MUC5B: variants seen among roughly 807,000 people sequenced by gnomAD.
The protein encoded by MUC5B is mucin-5B.
In MUC5B, 116 loss-of-function variants were observed where a neutral mutation model predicts 376.9. The observed-to-expected ratio is 0.31, with a 90% CI of 0.26 to 0.36. MUC5B has a LOEUF of 0.36. Among genes scored for constraint, MUC5B ranks in the 10% least tolerant of loss-of-function variants. The pLI is 1.00. For missense variants in MUC5B, 7,165 were observed against 7,769.9 expected (o/e 0.92, Z 2.93); for synonymous variants, 3,517 against 3,390.9 (o/e 1.04, Z -1.29).
At position 1,242,570 on chromosome 11, in the gene MUC5B, C is replaced by T. The variant is rs1862316078; in HGVS notation, c.5690C>T (p.Pro1897Leu). The change falls in exon 31 of 49, where the codon CCC becomes CTC. Residue 1897 changes from proline to leucine, a missense_variant. Pro to Leu is a moderately conservative substitution (Grantham distance 98). Around this residue, in one of 31 missense-constraint regions of MUC5B, gnomAD observed 897 missense variants for 779.6 expected, o/e 1.15. Coordinates refer to ENST00000529681, the MANE Select transcript of MUC5B (RefSeq NM_002458.3). ...STPATSSTAT[P>L]SSTPGTTWIL... Reference sequence around the variant, plus strand: ...CCAGCCACCAGCTCCACGGCCACGCCCTCCTCAACTCCGGGGACGACCTGG... The same window carrying T: ...CCAGCCACCAGCTCCACGGCCACGCTCTCCTCAACTCCGGGGACGACCTGG... 1.2e-6 allele frequency: 2 copies of T among 1,613,632 alleles called. No homozygotes were observed. The highest frequency in any genetic ancestry group is 1.7e-6 in the Non-Finnish European group (2 of 1,179,802).
chr11:1,241,576 G>T lies in MUC5B; in HGVS notation c.4696G>T (p.Val1566Leu), dbSNP rs1412828977. 1 of 1,612,422 alleles carries T rather than the reference G, an allele frequency of 6.2e-7. No homozygotes were observed. Among genetic ancestry groups the T allele is most frequent in the East Asian group, 2.2e-5 (1 of 44,840 alleles). ...NWTLAQVGQK[V>L]HCDVHFGLVC... ...GACCCTGGCACAGGTGGGGCAGAAG[G>T]TGCACTGTGACGTCCACTTCGGCCT... Residue 1566 changes from valine to leucine, a missense_variant, in exon 31 of 49, where the codon GTG (valine) becomes TTG (leucine). Transcript: ENST00000529681.
Position 1,241,578 on chromosome 11 carries a change from G to A in MUC5B, c.4698G>A (p.Val1566=). Residue 1566 remains valine (V), a synonymous_variant, in exon 31 of 49, where the codon GTG becomes GTA. Coordinates refer to ENST00000529681, the MANE Select transcript of MUC5B (RefSeq NM_002458.3). ...CCCTGGCACAGGTGGGGCAGAAGGT[G>A]CACTGTGACGTCCACTTCGGCCTGG... ...NWTLAQVGQK[V]HCDVHFGLVC... The A allele has an allele frequency of 1.2e-6, 2 of 1,612,262 alleles. No homozygotes were observed. Among genetic ancestry groups the A allele is most frequent in the Non-Finnish European group, 1.7e-6 (2 of 1,179,268 alleles).
rs750159492 is a variant in MUC5B at position 1,245,345 on chromosome 11, C to G, written c.8465C>G (p.Pro2822Arg). ...CCTAGCAGCAGGACCACCGAGTCACCCCCTTCTCCAGGGACGACCACCCCG... is the reference window on the plus strand; with the variant it reads ...CCTAGCAGCAGGACCACCGAGTCACGCCCTTCTCCAGGGACGACCACCCCG... Reference protein sequence around the residue: ...PHPSSRTTESPPSPGTTTPGH... With the variant: ...PHPSSRTTESRPSPGTTTPGH... The change falls in exon 31 of 49, where the codon CCC becomes CGC. Residue 2822 changes from proline (P) to arginine (R), a missense_variant. Pro to Arg is a moderately radical substitution (Grantham distance 103). Around this residue, in one of 31 missense-constraint regions of MUC5B, gnomAD observed 50 missense variants for 66.4 expected, o/e 0.75. Transcript: ENST00000529681. 6.3e-7 allele frequency: 1 copy of G among 1,595,316 alleles called. No individual in the cohort carries two copies. The highest frequency in any genetic ancestry group is 8.5e-7 in the Non-Finnish European group (1 of 1,171,150).
At chr11:1,224,213 C>T (rs375391573) in intron 1 of MUC5B, among the ~76,000 whole-genome samples, 3 of 152,342 alleles carry the variant, frequency 2.0e-5, no homozygotes, top group South Asian at 4.1e-4. Flanking sequence ...CTGTCCTCCA[C>T]GCACGTCCAA....
chr11:1,246,634 C>T lies in MUC5B; in HGVS notation c.9754C>T (p.Leu3252=), dbSNP rs1464015810. ...CTCCCTGGGCACCGCCTGGACCCGC[C>T]TATCACAGACCACCACACCCACGGC... is the stretch of plus-strand genomic sequence containing the variant. The part of the protein sequence containing the change: ...SSSLGTAWTR[L]SQTTTPTATM... The change falls in exon 31 of 49, where the codon CTA becomes TTA. Residue 3252 remains leucine (L), a synonymous_variant. Coordinates refer to ENST00000529681, the MANE Select transcript of MUC5B (RefSeq NM_002458.3). 2.5e-6 allele frequency: 4 copies of T among 1,612,810 alleles called. No homozygotes were observed. Among genetic ancestry groups the T allele is most frequent in the Middle Eastern group, 1.7e-4 (1 of 6,060 alleles).
rs1420286486 is a variant in MUC5B at position 1,254,162 on chromosome 11, C to T, written c.15288C>T (p.Asn5096=). Residue 5096 remains asparagine (N), a synonymous_variant, in exon 34 of 49, where the codon AAC becomes AAT. Transcript: ENST00000529681. Reference sequence around the variant, plus strand: ...GCACCTCTTACACCTTCCGGGGCAACTGCACCTATGTCCTCATGAGAGAGA... The same window carrying T: ...GCACCTCTTACACCTTCCGGGGCAATTGCACCTATGTCCTCATGAGAGAGA... ...FDGTSYTFRG[N]CTYVLMREIH... 1.2e-6 allele frequency: 2 copies of T among 1,612,880 alleles called. No individual in the cohort carries two copies. Among genetic ancestry groups the T allele is most frequent in the Admixed American group, 3.3e-5 (2 of 60,004 alleles).
At chr11:1,238,830 G>T in intron 25 of MUC5B, 41 bp from the exon 26 acceptor site, 1 of 1,534,342 alleles carries the variant, frequency 6.5e-7, no homozygotes, top group South Asian at 1.2e-5. Context: ...GGCCGGGGGG[G>T]CCATTGTCCC....
intron 31 of MUC5B, 65 bp downstream of exon 31, chr11:1,251,808 T>C: frequency 8.3e-7 from 1 of 1,201,058 alleles, no homozygotes; most frequent in African/African-American, 1.5e-5. Flanking sequence ...TGGGTCTGCC[T>C]GTCCTGGGAG....
rs367833398 is a variant in MUC5B at position 1,246,146 on chromosome 11, C to A, written c.9266C>A (p.Ala3089Asp). The stretch of plus-strand genomic sequence containing the variant: ...CCAGAACAGACCACCACACCCATGG[C>A]CACCATGTCCACAATCCACCCCTCC... ...TLPEQTTTPM[A>D]TMSTIHPSST... The change falls in exon 31 of 49, where the codon GCC becomes GAC. Residue 3089 changes from alanine to aspartate, a missense_variant. This residue lies in a region of MUC5B where 939 missense variants were observed against 770.6 expected (regional missense o/e 1.22). Transcript: ENST00000529681. 1.2e-6 allele frequency: 2 copies of A among 1,613,102 alleles called. No individual in the cohort carries two copies. The highest frequency in any genetic ancestry group is 1.7e-6 in the Non-Finnish European group (2 of 1,179,568).
intron 17 of MUC5B, 57 bp downstream of exon 17, chr11:1,232,827 C>T (rs1245669857): frequency 3.3e-5 from 50 of 1,519,712 alleles, no homozygotes; most frequent in Middle Eastern, 2.0e-4. Context: ...TGCGGGGGAC[C>T]CTGGCCGGCA....
chr11:1,234,349 C>T lies in MUC5B; in HGVS notation c.2478+44C>T, dbSNP rs1862108562. 1 of 1,532,616 alleles carries T rather than the reference C, an allele frequency of 6.5e-7. No homozygotes were observed. The allele number at this position is 1,532,616 out of a possible 1,614,324, so 94.9% of individuals were successfully genotyped here. ...GGAGGGGTGGGCAGGGAAGGGGTCC[C>T]AGCTTTCCCAGCTCCCGAGCCCAGG... On this transcript the variant is annotated intron_variant, in intron 20 of 48. Transcript: ENST00000529681. This position sits in a 1 kb window ranked among gnomAD's most constrained non-coding sequence, Gnocchi z 6.3.
intron 26 of MUC5B, 124 bp from the exon 27 acceptor site, chr11:1,239,314 G>C (rs1862225525): frequency 2.3e-6 from 3 of 1,332,712 alleles, no homozygotes; most frequent in Non-Finnish European, 3.0e-6. Flanking sequence ...GGCCCTGCAT[G>C]TCTGGGACAA....
At chr11:1,259,940 CCA>C in intron 45 of MUC5B, 21 bp from the exon 46 acceptor site, 1 of 1,612,914 alleles carries the variant, frequency 6.2e-7, no homozygotes, top group Non-Finnish European at 8.5e-7. Context: ...TACTCAGCTT[CCA>C]CACTCACCCT....
Position 1,242,885 on chromosome 11 carries a change from C to A in MUC5B, c.6005C>A (p.Thr2002Lys). Residue 2002 changes from threonine (T) to lysine (K), a missense_variant, in exon 31 of 49, where the codon ACG becomes AAG. By Grantham distance (78) the Thr-to-Lys change is moderately conservative. Around this residue, in one of 31 missense-constraint regions of MUC5B, gnomAD observed 897 missense variants for 779.6 expected, o/e 1.15. Transcript: ENST00000529681. ...CGCCTATCACAGACCACCACACCCA[C>A]GGCCACCATGTCCACAGCCACACCC... ...WTRLSQTTTP[T>K]ATMSTATPSS... 1 of 1,613,766 alleles carries A rather than the reference C, an allele frequency of 6.2e-7. No homozygotes were observed. Among genetic ancestry groups the A allele is most frequent in the Non-Finnish European group, 8.5e-7 (1 of 1,179,798 alleles).
chr11:1,234,520 G>T lies in MUC5B; in HGVS notation c.2479-9G>T, dbSNP rs774168435. The T allele has an allele frequency of 1.3e-6, 2 of 1,573,846 alleles. No individual in the cohort carries two copies. The highest frequency in any genetic ancestry group is 1.8e-5 in the Admixed American group (1 of 54,580). On this transcript the variant is annotated splice_polypyrimidine_tract_variant and intron_variant, in intron 20 of 48. Transcript: ENST00000529681. This position sits in a 1 kb window ranked among gnomAD's most constrained non-coding sequence, Gnocchi z 6.3. ...CCAGCCCTGACCGGTACCTGCCTGG[G>T]CCCCACAGTTCAGCACACACTGCGT...
intron 37 of MUC5B, 104 bp from the exon 38 acceptor site, chr11:1,256,052 C>A (rs1025035202): frequency 9.8e-6 from 6 of 609,376 alleles, no homozygotes; most frequent in Non-Finnish European, 1.8e-5. Context: ...CGGCCCCGGG[C>A]CCCCCAGACT....
At chr11:1,254,512 G>A (rs55941427) in intron 34 of MUC5B, among the ~76,000 whole-genome samples, 161 bp downstream of exon 34, 3,807 of 152,288 alleles carry the variant, frequency 0.025, 62 homozygotes, top group Non-Finnish European at 0.033. Context: ...AAGGCCGAGC[G>A]CACCCTGTGG....
chr11:1,229,117 C>T, intron 8 of MUC5B, 53 bp from the exon 9 acceptor site: 2 of 1,488,268 alleles, frequency 1.3e-6, no homozygotes, highest in Non-Finnish European at 1.8e-6. Flanking sequence ...GGGCTGACCA[C>T]ACGGGCAGTA....
chr11:1,236,942 G>C lies in MUC5B; in HGVS notation c.3075G>C (p.Leu1025=), dbSNP rs1283491241. Residue 1025 remains leucine (L), a synonymous_variant, in exon 25 of 49, where the codon CTG becomes CTC. Coordinates refer to ENST00000529681, the MANE Select transcript of MUC5B (RefSeq NM_002458.3). ...CTCTGCAGGGCAGGGTCTGCGGCCT[G>C]TGCGGGAACTTCGACGACAATGCCA... is the stretch of plus-strand genomic sequence containing the variant. The part of the protein sequence containing the change: ...HQDYKGRVCG[L]CGNFDDNAIN... 6.7e-7 allele frequency: 1 copy of C among 1,494,356 alleles called. No individual in the cohort carries two copies. Among genetic ancestry groups the C allele is most frequent in the Non-Finnish European group, 9.0e-7 (1 of 1,117,254 alleles). 92.6% of individuals were successfully genotyped at this position (1,494,356 alleles called of 1,614,324 possible).
Sources: allele counts gnomAD v4.1 joint callset (sites outside exome capture counted in the v4.1 genomes callset), GRCh38; gene constraint gnomAD v4.1.1; regional missense constraint gnomAD v4.1.1; non-coding constraint Gnocchi (gnomAD v3.1); transcripts MANE v1.5; gene names NCBI Gene and HGNC (gene_info 2026-07-23, HGNC 2026-07-21).